MTIF2: variants seen among roughly 807,000 people sequenced by gnomAD.
MTIF2 encodes mitochondrial translational initiation factor 2.
Under a neutral mutation model 83.5 loss-of-function variants are expected in MTIF2, and 71 were observed. The observed-to-expected ratio is 0.85, with a 90% CI of 0.70 to 1.04. The LOEUF is 1.04. Ranked by LOEUF, MTIF2 falls within the 50% of genes least tolerant of loss-of-function variation. The pLI is 0.00. For synonymous variants in MTIF2, 319 were observed against 287.1 expected, an observed-to-expected ratio of 1.11 and a Z score of -1.12; for missense variants, 957 against 846.5, an observed-to-expected ratio of 1.13 and a Z score of -1.62.
intron 5 of MTIF2, among the ~76,000 whole-genome samples, chr2:55,255,764 AAC>A (rs2104414644): frequency 6.6e-6 from 1 of 152,220 alleles, no homozygotes; most frequent in Admixed American, 6.5e-5. Flanking sequence ...CGACAGCTGA[AAC>A]AGTGTCACCT....
intron 8 of MTIF2, among the ~76,000 whole-genome samples, chr2:55,250,837 C>A (rs574872027): frequency 6.6e-6 from 1 of 151,970 alleles, no homozygotes; most frequent in Non-Finnish European, 1.5e-5. Flanking sequence ...ACATTCTGGC[C>A]GGGCACGGTG....
chr2:55,252,503 G>C lies in MTIF2; in HGVS notation c.815C>G (p.Ser272Cys), dbSNP rs1397227374. 3.1e-6 allele frequency: 5 copies of C among 1,614,136 alleles called. No homozygotes were observed. The highest frequency in any genetic ancestry group is 4.2e-6 in the Non-Finnish European group (5 of 1,180,000). ...CTGTGCATCTTTGGCATGCTGAATA[G>C]ATTCTACAGTTTGTTTCATCACTCC... ...DDGVMKQTVE[S>C]IQHAKDAQVP... is the part of the protein sequence containing the mutation. Residue 272 changes from serine (S) to cysteine (C), a missense_variant, in exon 8 of 16, where the codon TCT becomes TGT. Coordinates refer to ENST00000263629, the MANE Select transcript of MTIF2 (RefSeq NM_002453.3).
At chr2:55,249,049 G>C (rs1397366720) in intron 9 of MTIF2, among the ~76,000 whole-genome samples, 1 of 152,148 alleles carries the variant, frequency 6.6e-6, no homozygotes, top group Non-Finnish European at 1.5e-5. Flanking sequence ...TGAGGTGGGA[G>C]GACAACTTGA....
In MTIF2 at chr2:55,244,251, G is replaced by A. The variant is rs1271091592; in HGVS notation, c.1107-18C>T. 1 of 1,565,626 alleles carries A rather than the reference G, an allele frequency of 6.4e-7. No individual in the cohort carries two copies. The highest frequency in any genetic ancestry group is 8.8e-7 in the Non-Finnish European group (1 of 1,139,096). On this transcript the variant is annotated intron_variant, in intron 10 of 15. Coordinates refer to ENST00000263629, the MANE Select transcript of MTIF2 (RefSeq NM_002453.3). ...TAACAAGACTAAAATGAAAATAAAA[G>A]TATATTTTCAATGTCATAATGTACT...
chr2:55,259,300 G>A (rs748400729), intron 5 of MTIF2, among the ~76,000 whole-genome samples: 2 of 152,114 alleles, frequency 1.3e-5, no homozygotes, highest in Non-Finnish European at 2.9e-5. Context: ...ATTACCTCAT[G>A]AAAACTATCT....
chr2:55,243,580 C>T lies in MTIF2; in HGVS notation c.1400G>A (p.Arg467Gln), dbSNP rs765417017. 16 of 1,613,890 alleles carry T rather than the reference C, an allele frequency of 9.9e-6. No homozygotes were observed. Among genetic ancestry groups the T allele is most frequent in the Admixed American group, 5.0e-5 (3 of 59,974 alleles). ...QEDLKIIEEK[R>Q]KEHKEAHQKA... ...CTGATGTGCTTCTTTGTGTTCCTTTCGCTTTTCTTCTATTATTTTCAGATC... is the reference window on the plus strand; with the variant it reads ...CTGATGTGCTTCTTTGTGTTCCTTTTGCTTTTCTTCTATTATTTTCAGATC... Residue 467 changes from arginine to glutamine, a missense_variant, in exon 12 of 16, where the codon CGA becomes CAA. Coordinates refer to ENST00000263629, the MANE Select transcript of MTIF2 (RefSeq NM_002453.3).
At chr2:55,262,737 G>A (rs1160248391) in intron 4 of MTIF2, among the ~76,000 whole-genome samples, 1 of 142,272 alleles carries the variant, frequency 7.0e-6, no homozygotes, top group East Asian at 2.0e-4. Flanking sequence ...TTTGTTTTTT[G>A]TTTTGTTTTG....
At chr2:55,261,433 C>A (rs1450276288) in intron 5 of MTIF2, among the ~76,000 whole-genome samples, 1 of 151,464 alleles carries the variant, frequency 6.6e-6, no homozygotes, top group Admixed American at 6.6e-5. Context: ...TGGTGAAACC[C>A]CGTCTCTACT....
chr2:55,263,447 C>T (rs1241699350), intron 4 of MTIF2, among the ~76,000 whole-genome samples, 193 bp downstream of exon 4: 1 of 152,082 alleles, frequency 6.6e-6, no homozygotes, highest in Non-Finnish European at 1.5e-5. Flanking sequence ...AAATAACTTA[C>T]AGAAATCTGT....
At chr2:55,267,315 C>T (rs1678510865) in intron 3 of MTIF2, among the ~76,000 whole-genome samples, 1 of 151,780 alleles carries the variant, frequency 6.6e-6, no homozygotes, top group African/African-American at 2.4e-5. Context: ...TGCCAGCACA[C>T]CCGGCTAATT....
At chr2:55,246,505 A>T in intron 9 of MTIF2, 44 bp from the exon 10 acceptor site, 1 of 1,545,934 alleles carries the variant, frequency 6.5e-7, no homozygotes, top group Non-Finnish European at 8.9e-7. Context: ...AATAAATATT[A>T]TCTGTAAATG....
intron 9 of MTIF2, among the ~76,000 whole-genome samples, chr2:55,249,100 C>T (rs936505638): frequency 2.0e-5 from 3 of 152,114 alleles, no homozygotes; most frequent in Admixed American, 6.6e-5. Flanking sequence ...GATGGCACCA[C>T]GTCTTTGTCC....
Position 55,243,410 on chromosome 2 carries a change from A to T in MTIF2, c.1564+6T>A. The T allele has an allele frequency of 6.3e-7, 1 of 1,589,552 alleles. No individual in the cohort carries two copies. Among genetic ancestry groups the T allele is most frequent in the Non-Finnish European group, 8.6e-7 (1 of 1,165,192 alleles). On this transcript the variant is annotated splice_donor_region_variant and intron_variant, in intron 12 of 15. Transcript: ENST00000263629. The stretch of plus-strand genomic sequence containing the variant: ...GAACTGTAATGTAAAATCTTTAAAA[A>T]GATACCTTTAATAATCACAGAAAGT...
rs79353189 is a variant in MTIF2 at position 55,242,575 on chromosome 2, A to G, written c.1705+365T>C. On this transcript the variant is annotated intron_variant, in intron 13 of 15. Coordinates refer to ENST00000263629, the MANE Select transcript of MTIF2 (RefSeq NM_002453.3). Reference sequence around the variant, plus strand: ...ATGAAGGAAAGAACTGAATAGGGTGATTACAGTGTTAGGAACATTCAGAAG... The same window carrying G: ...ATGAAGGAAAGAACTGAATAGGGTGGTTACAGTGTTAGGAACATTCAGAAG... Among the ~76,000 whole-genome samples, 591 of 152,354 alleles carry G rather than the reference A, an allele frequency of 3.9e-3. 3 individuals are homozygous for G. Among genetic ancestry groups the G allele is most frequent in the Middle Eastern group, 0.031 (9 of 294 alleles).
chr2:55,263,181 C>G (rs568566953), intron 4 of MTIF2, among the ~76,000 whole-genome samples: 1 of 152,276 alleles, frequency 6.6e-6, no homozygotes, highest in East Asian at 1.9e-4. Context: ...TTTCTACCAA[C>G]GAACACTCCC....
rs1676710406 is a variant in MTIF2, at chr2:55,246,457, T to A, written c.986A>T (p.Asp329Val). 1.3e-5 allele frequency: 21 copies of A among 1,613,550 alleles called. No individual in the cohort carries two copies. The highest frequency in any genetic ancestry group is 1.5e-5 in the Non-Finnish European group (18 of 1,179,596). The stretch of plus-strand genomic sequence containing the variant: ...TGCTTCTGCCAAAGCCATCAGATTA[T>A]CGCCCTTTAACAATAACAAACGTTG... ...QAVPVSALTG[D>V]NLMALAEATV... Residue 329 changes from aspartate to valine, a missense_variant, in exon 10 of 16, where the codon GAT (aspartate) becomes GTT (valine). Physicochemically the swap from Asp to Val is radical, Grantham distance 152. Around this residue, in one of 3 missense-constraint regions of MTIF2, gnomAD observed 733 missense variants for 648.7 expected, o/e 1.13. Coordinates refer to ENST00000263629, the MANE Select transcript of MTIF2 (RefSeq NM_002453.3).
At chr2:55,252,433 C>T (rs372336845) in intron 8 of MTIF2, 44 bp downstream of exon 8, 18 of 1,575,174 alleles carry the variant, frequency 1.1e-5, no homozygotes, top group Non-Finnish European at 1.4e-5. Flanking sequence ...GGCCCCAGAA[C>T]TTTGACTTTA....
At chr2:55,247,182 G>A (rs1412737193) in intron 9 of MTIF2, among the ~76,000 whole-genome samples, 2 of 152,172 alleles carry the variant, frequency 1.3e-5, no homozygotes, top group Non-Finnish European at 2.9e-5. Flanking sequence ...AACTGGTGAT[G>A]GAAATGGAAC....
intron 8 of MTIF2, among the ~76,000 whole-genome samples, chr2:55,251,259 G>A (rs1677074265): frequency 6.6e-6 from 1 of 152,032 alleles, no homozygotes; most frequent in Non-Finnish European, 1.5e-5. Context: ...GGGATCCCTG[G>A]CAAATTTATC....
Sources: allele counts gnomAD v4.1 joint callset (sites outside exome capture counted in the v4.1 genomes callset), GRCh38; gene constraint gnomAD v4.1.1; regional missense constraint gnomAD v4.1.1; transcripts MANE v1.5; gene names NCBI Gene and HGNC (gene_info 2026-07-23, HGNC 2026-07-21).